The following KLHL32 variants were observed in gnomAD, a reference collection of about 807,000 sequenced individuals.
The protein encoded by KLHL32 is kelch like family member 32.
In KLHL32, 35 loss-of-function variants were observed where a neutral mutation model predicts 64.8. The observed-to-expected ratio is 0.54, with a 90% CI of 0.41 to 0.72. The LOEUF (loss-of-function observed/expected upper bound fraction) is 0.72. KLHL32 is among the 30% of genes least tolerant of loss of function. The pLI, the probability that KLHL32 is intolerant of heterozygous loss-of-function variation, is 0.00. For synonymous variants in KLHL32, 259 were observed against 281.0 expected (o/e 0.92, Z 0.78); for missense variants, 589 against 768.5 (o/e 0.77, Z 2.76).
chr6:96,996,076 G>A (rs747747421), intron 3 of KLHL32, among the ~76,000 whole-genome samples: 1 of 152,210 alleles, frequency 6.6e-6, no homozygotes, highest in Non-Finnish European at 1.5e-5. Flanking sequence ...CTGACAGTGG[G>A]TACACATAAG....
intron 3 of KLHL32, among the ~76,000 whole-genome samples, chr6:96,993,807 A>G (rs1405854918): frequency 2.0e-5 from 3 of 152,120 alleles, no homozygotes; most frequent in South Asian, 2.1e-4. Context: ...CTGAGCCCCA[A>G]TTCCCACAGG....
At chr6:97,118,491 C>T (rs970373909) in intron 7 of KLHL32, among the ~76,000 whole-genome samples, 24 of 151,752 alleles carry the variant, frequency 1.6e-4, no homozygotes, top group African/African-American at 4.4e-4. Flanking sequence ...TGGTGGCGGG[C>T]GCCTGTAATC....
the KLHL32 span, among the ~76,000 whole-genome samples, chr6:96,919,551 T>C: frequency 6.2e-4 from 95 of 152,340 alleles, no homozygotes; most frequent in African/African-American, 2.1e-3. Context: ...CCAATTTTGC[T>C]TGATTAATTT....
At chr6:96,939,725 A>G (rs903228214) in intron 1 of KLHL32, among the ~76,000 whole-genome samples, 6 of 152,300 alleles carry the variant, frequency 3.9e-5, no homozygotes, top group South Asian at 2.1e-4. Flanking sequence ...ACACAGGCCT[A>G]TAAAGATAGG....
chr6:97,121,806 A>T (rs376747531), intron 7 of KLHL32, among the ~76,000 whole-genome samples: 9 of 152,200 alleles, frequency 5.9e-5, no homozygotes, highest in African/African-American at 2.2e-4. Context: ...GAACAATATC[A>T]TTTGCTTTAT....
intron 1 of KLHL32, among the ~76,000 whole-genome samples, chr6:96,942,602 A>G (rs1771428411): frequency 2.0e-5 from 3 of 150,714 alleles, no homozygotes; most frequent in South Asian, 2.1e-4. Flanking sequence ...GAAATCCTCA[A>G]TCTTTTATCC....
chr6:97,045,837 A>T (rs1039256540), intron 4 of KLHL32, among the ~76,000 whole-genome samples: 1 of 152,238 alleles, frequency 6.6e-6, no homozygotes, highest in Non-Finnish European at 1.5e-5. Flanking sequence ...GAAGAAACCT[A>T]CTTGGAAAGC....
intron 1 of KLHL32, among the ~76,000 whole-genome samples, chr6:96,958,085 C>G (rs1180412473): frequency 6.6e-6 from 1 of 151,736 alleles, no homozygotes; most frequent in African/African-American, 2.4e-5. Context: ...ATTTATCATC[C>G]AAACTGGGAA....
intron 5 of KLHL32, among the ~76,000 whole-genome samples, chr6:97,069,058 T>C (rs1393607600): frequency 6.6e-6 from 1 of 152,190 alleles, no homozygotes; most frequent in Non-Finnish European, 1.5e-5. Context: ...TGTTTTGTTT[T>C]CTGTTTTTAC....
At chr6:96,971,098 C>T (rs1775057635) in intron 2 of KLHL32, among the ~76,000 whole-genome samples, 1 of 152,008 alleles carries the variant, frequency 6.6e-6, no homozygotes, top group Non-Finnish European at 1.5e-5. Context: ...ATCTTTATCC[C>T]ACTTAGTTGT....
At chr6:96,912,066 C>A in the KLHL32 span, among the ~76,000 whole-genome samples, 8 of 152,026 alleles carry the variant, frequency 5.3e-5, no homozygotes, top group African/African-American at 1.9e-4. Flanking sequence ...GCCTTTCAGA[C>A]GTAATGTTCT....
chr6:97,122,352 A>G (rs2128217137), intron 7 of KLHL32, among the ~76,000 whole-genome samples: 1 of 152,330 alleles, frequency 6.6e-6, no homozygotes, highest in African/African-American at 2.4e-5. Context: ...AATTTAATGC[A>G]TGGATTATGT....
At chr6:97,018,408 G>A (rs545849295) in intron 3 of KLHL32, among the ~76,000 whole-genome samples, 1 of 149,976 alleles carries the variant, frequency 6.7e-6, no homozygotes, top group South Asian at 2.1e-4. Context: ...CCAACATGGT[G>A]AAACCCTGTC....
chr6:97,009,330 G>A (rs916229364), intron 3 of KLHL32, among the ~76,000 whole-genome samples: 22 of 151,952 alleles, frequency 1.4e-4, no homozygotes, highest in Non-Finnish European at 2.8e-4. Flanking sequence ...AAATTTAAAT[G>A]TTTCTTTTAT....
chr6:97,043,537 G>A (rs1470654435), intron 4 of KLHL32, among the ~76,000 whole-genome samples: 3 of 152,162 alleles, frequency 2.0e-5, no homozygotes, highest in African/African-American at 7.2e-5. Context: ...GTAGGCAGAT[G>A]TCTCTATAGC....
chr6:97,070,630 G>A (rs1372521857), intron 5 of KLHL32, among the ~76,000 whole-genome samples: 2 of 152,252 alleles, frequency 1.3e-5, no homozygotes, highest in Middle Eastern at 3.4e-3. Context: ...TTTTAAAGAG[G>A]AGAAAGATTC....
At chr6:96,989,152 C>G (rs1777536351) in intron 3 of KLHL32, among the ~76,000 whole-genome samples, 1 of 152,050 alleles carries the variant, frequency 6.6e-6, no homozygotes, top group Non-Finnish European at 1.5e-5. Flanking sequence ...GTGTTGTTAG[C>G]TGGTTATTAT....
At chr6:97,061,054 C>T (rs1788801578) in intron 4 of KLHL32, among the ~76,000 whole-genome samples, 1 of 152,114 alleles carries the variant, frequency 6.6e-6, no homozygotes, top group Non-Finnish European at 1.5e-5. Flanking sequence ...CTAGAGGTGA[C>T]CTCTCTGCTA....
rs374165191 is a variant in KLHL32 at position 97,007,323 on chromosome 6, T to C, written c.204+31146T>C. ...GGATTGTATTATGTAATCCTTAAAG[T>C]GAGCTTTTCAGCTTTACCAGATCAT... On this transcript the variant is annotated intron_variant, in intron 3 of 10. Coordinates refer to ENST00000369261, the MANE Select transcript of KLHL32 (RefSeq NM_052904.4). Among the ~76,000 whole-genome samples the C allele has an allele frequency of 2.6e-5, 4 of 152,364 alleles. No homozygotes were observed. The East Asian group carries it at 5.8e-4, about 22-fold the overall frequency.
Sources: allele counts gnomAD v4.1 joint callset (sites outside exome capture counted in the v4.1 genomes callset), GRCh38; gene constraint gnomAD v4.1.1; transcripts MANE v1.5; gene names NCBI Gene and HGNC (gene_info 2026-07-23, HGNC 2026-07-21).